Variants in DTNA observed in about 807,000 individuals in gnomAD.
DTNA encodes dystrophin-related protein 3.
In DTNA, 43 loss-of-function variants were observed where a neutral mutation model predicts 100.7. The ratio of observed to expected loss-of-function variants is 0.43; its 90% CI spans 0.33 to 0.55. The LOEUF (loss-of-function observed/expected upper bound fraction) is 0.55. Ranked by LOEUF, DTNA falls within the 20% of genes least tolerant of loss-of-function variation. The pLI is 0.04. For synonymous variants in DTNA, 349 were observed against 347.9 expected (o/e 1.00, Z -0.04); for missense variants, 798 against 953.9 (o/e 0.84, Z 2.15).
chr18:34,838,919 A>G (rs2096212038), intron 13 of DTNA, 82 bp downstream of exon 13: 1 of 1,213,820 alleles, frequency 8.2e-7, no homozygotes, highest in Non-Finnish European at 1.2e-6. Flanking sequence ...GCAAGGAGCA[A>G]GGTCACTGGA....
intron 1 of DTNA, among the ~76,000 whole-genome samples, chr18:34,738,053 G>C (rs2089970868): frequency 6.6e-6 from 1 of 152,170 alleles, no homozygotes; most frequent in Admixed American, 6.5e-5. Context: ...GTTTGGGGCT[G>C]AGAGGGGTTA....
chr18:34,507,783 A>T (rs1476812841), intron 1 of DTNA, among the ~76,000 whole-genome samples: 1 of 152,172 alleles, frequency 6.6e-6, no homozygotes, highest in Non-Finnish European at 1.5e-5. Flanking sequence ...ATGGGGATTG[A>T]TCCCACAATC....
intron 4 of DTNA, among the ~76,000 whole-genome samples, chr18:34,802,931 G>A (rs2095262438): frequency 6.6e-6 from 1 of 151,868 alleles, no homozygotes; most frequent in Non-Finnish European, 1.5e-5. Context: ...CTTTAAAATT[G>A]GACACCCTCC....
At chr18:34,600,163 G>A (rs1001133231) in intron 1 of DTNA, among the ~76,000 whole-genome samples, 7 of 151,970 alleles carry the variant, frequency 4.6e-5, no homozygotes, top group African/African-American at 1.7e-4. Flanking sequence ...TAACAGAAGA[G>A]CTTAAAGAGA....
rs531579401 is a variant in DTNA, at chr18:34,555,282, C to G, written c.-2+61768C>G. On this transcript the variant is annotated intron_variant, in intron 1 of 19. Transcript: ENST00000283365. ...CTTCTCTCTTTTTTTCTTTATTAGT[C>G]TTGCTAGCGGTCTATCAGTTTTGTT... is the stretch of plus-strand genomic sequence containing the variant. 6.1e-5 allele frequency among the ~76,000 whole-genome samples: 9 copies of G among 147,708 alleles called. No homozygotes were observed. In the South Asian group the frequency reaches 1.5e-3, roughly 25 times the overall value.
At chr18:34,494,203 C>A (rs1319471333) in intron 1 of DTNA, among the ~76,000 whole-genome samples, 1 of 151,958 alleles carries the variant, frequency 6.6e-6, no homozygotes, top group African/African-American at 2.4e-5. Context: ...GGAGTGTCTA[C>A]CTCCATTAGG....
intron 11 of DTNA, among the ~76,000 whole-genome samples, chr18:34,835,101 C>G (rs1380837156): frequency 6.6e-6 from 1 of 152,118 alleles, no homozygotes; most frequent in Non-Finnish European, 1.5e-5. Flanking sequence ...TGCATTTGGC[C>G]TCCTCTGTAC....
intron 1 of DTNA, among the ~76,000 whole-genome samples, chr18:34,652,418 C>G (rs938425599): frequency 6.6e-5 from 10 of 152,176 alleles, no homozygotes; most frequent in Non-Finnish European, 1.3e-4. Flanking sequence ...ACTTTCCTCA[C>G]ATACCCCACC....
intron 4 of DTNA, among the ~76,000 whole-genome samples, chr18:34,800,539 G>A (rs779900069): frequency 2.6e-5 from 4 of 152,170 alleles, no homozygotes; most frequent in Non-Finnish European, 2.9e-5. Context: ...AATTCTCTCC[G>A]TTAATTAAGC....
intron 5 of DTNA, among the ~76,000 whole-genome samples, chr18:34,809,991 C>T (rs2095450608): frequency 6.6e-6 from 1 of 152,130 alleles, no homozygotes; most frequent in Non-Finnish European, 1.5e-5. Context: ...AATAACACTA[C>T]TATTTTGTCA....
intron 22 of DTNA, 57 bp from the exon 23 acceptor site, chr18:34,887,709 C>T (rs1425368972): frequency 1.0e-6 from 1 of 984,908 alleles, no homozygotes; most frequent in Admixed American, 6.2e-5. Context: ...AGTTTCATAA[C>T]CCTAATTTAG....
intron 1 of DTNA, among the ~76,000 whole-genome samples, chr18:34,612,156 C>T (rs971778629): frequency 3.9e-5 from 6 of 152,182 alleles, no homozygotes; most frequent in African/African-American, 9.7e-5. Context: ...TGGGCAACAA[C>T]GGGGACCTGG....
At chr18:34,666,183 C>A (rs1259758264) in intron 1 of DTNA, among the ~76,000 whole-genome samples, 1 of 152,114 alleles carries the variant, frequency 6.6e-6, no homozygotes. Flanking sequence ...TGATGATGAG[C>A]ATTTTTTCAT....
chr18:34,573,346 T>G (rs912841069), intron 1 of DTNA, among the ~76,000 whole-genome samples: 13 of 152,176 alleles, frequency 8.5e-5, no homozygotes, highest in African/African-American at 2.9e-4. Flanking sequence ...CCTCTCCTGC[T>G]TCCCTCCTCT....
chr18:34,843,117 A>G (rs1189575055), intron 13 of DTNA, among the ~76,000 whole-genome samples: 1 of 152,186 alleles, frequency 6.6e-6, no homozygotes, highest in Non-Finnish European at 1.5e-5. Flanking sequence ...GAGTAGTCAG[A>G]AACTTTACTA....
chr18:34,793,733 A>G (rs552840033), intron 3 of DTNA, among the ~76,000 whole-genome samples: 1 of 152,158 alleles, frequency 6.6e-6, no homozygotes, highest in Non-Finnish European at 1.5e-5. Flanking sequence ...TTGTCAGTTC[A>G]GTTTCCAGAT....
At chr18:34,593,560 T>C (rs2049976293) in intron 1 of DTNA, 1 of 152,214 alleles carries the variant, frequency 6.6e-6, no homozygotes, top group Non-Finnish European at 1.5e-5. Flanking sequence ...GATTGGTTTT[T>C]AAAGTGCATC....
chr18:34,575,447 C>T (rs2048022900), intron 1 of DTNA, among the ~76,000 whole-genome samples: 1 of 152,156 alleles, frequency 6.6e-6, no homozygotes, highest in Admixed American at 6.5e-5. Context: ...GGACAGCAAA[C>T]AAATCTGTCA....
intron 4 of DTNA, among the ~76,000 whole-genome samples, chr18:34,798,181 G>C (rs1002577966): frequency 6.6e-6 from 1 of 152,030 alleles, no homozygotes; most frequent in Non-Finnish European, 1.5e-5. Context: ...TGTGTTTTTA[G>C]TAGAGATAGG....
Sources: gnomAD v4.1 joint callset for allele counts (sites outside exome capture counted in the v4.1 genomes callset) on GRCh38, gnomAD v4.1.1 for gene constraint, MANE v1.5 for transcripts, NCBI Gene and HGNC (gene_info 2026-07-23, HGNC 2026-07-21) for gene names.